LYST: variants seen among roughly 807,000 people sequenced by gnomAD.
LYST encodes lysosomal-trafficking regulator.
A neutral mutation model predicts 413.6 loss-of-function variants in LYST; 192 were observed. That is an observed-to-expected ratio of 0.46 (90% CI 0.41 to 0.52). LYST has a LOEUF of 0.52. LYST is among the 20% of genes least tolerant of loss of function. The probability of loss-of-function intolerance (pLI) is 0.00; values close to 1 mark genes in which losing one functional copy is unlikely to be tolerated. For synonymous variants in LYST, 1,525 were observed against 1,567.3 expected (o/e 0.97, Z 0.64); for missense variants, 3,815 against 4,499.9 (o/e 0.85, Z 4.35).
intron 48 of LYST, among the ~76,000 whole-genome samples, chr1:235,678,391 C>G (rs1474099372): frequency 6.6e-6 from 1 of 151,914 alleles, no homozygotes. Context: ...GTGATGTTAC[C>G]AACGGTAATG....
intron 5 of LYST, among the ~76,000 whole-genome samples, chr1:235,807,842 T>C (rs1414763029): frequency 6.6e-6 from 1 of 152,144 alleles, no homozygotes; most frequent in Non-Finnish European, 1.5e-5. Flanking sequence ...TAAATGTAAA[T>C]ATAATATTTT....
chr1:235,699,235 T>C (rs1661352903), intron 45 of LYST, among the ~76,000 whole-genome samples: 2 of 152,040 alleles, frequency 1.3e-5, no homozygotes, highest in South Asian at 4.1e-4. Context: ...CTCTCTCCCA[T>C]CCCCACCAAC....
intron 38 of LYST, among the ~76,000 whole-genome samples, chr1:235,726,291 T>C (rs1412793826): frequency 6.6e-6 from 1 of 152,146 alleles, no homozygotes; most frequent in Non-Finnish European, 1.5e-5. Context: ...ACTCTATGTG[T>C]GTTTTACTAT....
At chr1:235,872,927 A>G (rs1214566732) in intron 1 of LYST, among the ~76,000 whole-genome samples, 3 of 152,182 alleles carry the variant, frequency 2.0e-5, no homozygotes, top group Admixed American at 6.5e-5. Context: ...AAAAGCAAAA[A>G]GAAAGTTGGG....
chr1:235,757,324 A>C lies in LYST; in HGVS notation c.7016T>G (p.Leu2339Arg). The change falls in exon 24 of 53, where the codon CTC (leucine) becomes CGC (arginine). Residue 2339 changes from leucine (L) to arginine (R), a missense_variant. Coordinates refer to ENST00000389793, the MANE Select transcript of LYST (RefSeq NM_000081.4). ...KLIQADTLLV[L>R]VNHPSPAIQQ... ...TATAGCTGGTGATGGGTGGTTAACGAGGACCAAAAGTGTATCTGCTTGAAT... is the reference window on the plus strand; with the variant it reads ...TATAGCTGGTGATGGGTGGTTAACGCGGACCAAAAGTGTATCTGCTTGAAT... 1 of 1,613,708 alleles carries C rather than the reference A, an allele frequency of 6.2e-7. No homozygotes were observed. The highest frequency in any genetic ancestry group is 8.5e-7 in the Non-Finnish European group (1 of 1,179,806).
At chr1:235,813,948 A>G (rs1251881385) in intron 3 of LYST, among the ~76,000 whole-genome samples, 5 of 152,224 alleles carry the variant, frequency 3.3e-5, no homozygotes, top group Non-Finnish European at 7.3e-5. Flanking sequence ...AAGGGGAAGC[A>G]GTGTTAGAGG....
chr1:235,713,011 A>G, intron 42 of LYST: 1 of 985,370 alleles, frequency 1.0e-6, no homozygotes, highest in Non-Finnish European at 1.2e-6. Flanking sequence ...GAACTTGTTG[A>G]AATTTGAACA....
intron 52 of LYST, 64 bp downstream of exon 52, chr1:235,663,920 C>A (rs1456165522): frequency 3.0e-6 from 4 of 1,316,792 alleles, no homozygotes; most frequent in Admixed American, 1.7e-5. Context: ...TGCTTAAATA[C>A]CTCTCTACGA....
chr1:235,766,081 A>C lies in LYST; in HGVS notation c.6119T>G (p.Ile2040Arg). 1.2e-6 allele frequency: 2 copies of C among 1,607,870 alleles called. No individual in the cohort carries two copies. Among genetic ancestry groups the C allele is most frequent in the South Asian group, 1.1e-5 (1 of 90,940 alleles). ...NPTNFYFSLH[I>R]DGKIFQEKVR... Reference sequence around the variant, plus strand: ...CTAACAAAAATGATTATACCTACCTATGTGCAAAGAAAAGTAGAAGTTCGT... The same window carrying C: ...CTAACAAAAATGATTATACCTACCTCTGTGCAAAGAAAAGTAGAAGTTCGT... The change falls in exon 21 of 53, where the codon ATA (isoleucine) becomes AGA (arginine). Residue 2040 changes from isoleucine to arginine, a missense_variant and splice_region_variant. By Grantham distance (97) the Ile-to-Arg change is moderately conservative. This residue lies in a region of LYST where 530 missense variants were observed against 696.5 expected (regional missense o/e 0.76). Coordinates refer to ENST00000389793, the MANE Select transcript of LYST (RefSeq NM_000081.4).
rs748655415 is a variant in LYST at position 235,809,690 on chromosome 1, T to C, written c.1128A>G (p.Pro376=). ...CLEKQPDPFA[P]RQKKTLQEVQ... The stretch of plus-strand genomic sequence containing the variant: ...CCTCCTGCAGTGTTTTCTTTTGTCT[T>C]GGTGCAAAAGGGTCAGGCTGCTTTT... Residue 376 remains proline (P), a synonymous_variant, in exon 5 of 53, where the codon CCA becomes CCG. Transcript: ENST00000389793. The surrounding 1 kb of genome is among the most constrained non-coding windows in gnomAD (Gnocchi z 4.0). The C allele has an allele frequency of 4.3e-6, 7 of 1,613,630 alleles. No individual in the cohort carries two copies. In the South Asian group the frequency reaches 4.4e-5, roughly 10 times the overall value.
chr1:235,772,450 C>G (rs1286285630), intron 19 of LYST, among the ~76,000 whole-genome samples: 1 of 151,818 alleles, frequency 6.6e-6, no homozygotes, highest in South Asian at 2.1e-4. Context: ...CTACTAGAAC[C>G]CTGCCACACT....
intron 1 of LYST, chr1:235,852,891 T>C (rs747745727): frequency 4.7e-5 from 8 of 169,010 alleles, no homozygotes; most frequent in Non-Finnish European, 8.8e-5. Flanking sequence ...TCCTATCCAA[T>C]GTTTTTCCTA....
At chr1:235,782,125 T>C (rs1460736016) in intron 14 of LYST, 38 bp from the exon 15 acceptor site, 2 of 1,551,732 alleles carry the variant, frequency 1.3e-6, no homozygotes, top group East Asian at 4.6e-5. Context: ...GCAATGACTT[T>C]AGGAAGTCTA....
At chr1:235,829,228 T>A (rs976654998) in intron 3 of LYST, among the ~76,000 whole-genome samples, 1 of 152,164 alleles carries the variant, frequency 6.6e-6, no homozygotes, top group African/African-American at 2.4e-5. Flanking sequence ...AACCTACAAA[T>A]GTCCTGAAAA....
At chr1:235,841,107 C>T (rs1677153786) in intron 1 of LYST, among the ~76,000 whole-genome samples, 1 of 152,186 alleles carries the variant, frequency 6.6e-6, no homozygotes. Flanking sequence ...ACAGTGACTA[C>T]TGAGACTAAA....
In LYST at chr1:235,805,893, A is replaced by G; in HGVS notation, c.3243T>C (p.Thr1081=). 2 of 1,613,924 alleles carry G rather than the reference A, an allele frequency of 1.2e-6. No individual in the cohort carries two copies. Among genetic ancestry groups the G allele is most frequent in the Non-Finnish European group, 1.7e-6 (2 of 1,179,946 alleles). The change falls in exon 6 of 53, where the codon ACT becomes ACC. Residue 1081 remains threonine (T), a synonymous_variant. Transcript: ENST00000389793. ...SSINVEEVSA[T]EAAPEEAKLF... is the part of the protein sequence containing the mutation. ...GCTTTGCTTCCTCGGGAGCGGCTTC[A>G]GTAGCTGAAACTTCTTCCACATTTA...
At chr1:235,668,203 C>CATAT (rs58347376) in intron 50 of LYST, among the ~76,000 whole-genome samples, 1,885 of 151,066 alleles carry the variant, frequency 0.012, 50 homozygotes, top group African/African-American at 0.043. Context: ...CATACATAGA[C>CATAT]ATATATATAT....
At chr1:235,731,901 T>C (rs1376969332) in intron 34 of LYST, among the ~76,000 whole-genome samples, 1 of 152,190 alleles carries the variant, frequency 6.6e-6, no homozygotes, top group Non-Finnish European at 1.5e-5. Context: ...ATCAATTTCT[T>C]TCTGTGGTAT....
At chr1:235,860,352 T>C (rs1481673632) in intron 1 of LYST, among the ~76,000 whole-genome samples, 2 of 152,156 alleles carry the variant, frequency 1.3e-5, no homozygotes, top group Non-Finnish European at 2.9e-5. Context: ...GACAGGTCAT[T>C]ATCACCCAAA....
Sources: gnomAD v4.1 joint callset for allele counts (sites outside exome capture counted in the v4.1 genomes callset) on GRCh38, gnomAD v4.1.1 for gene constraint, gnomAD v4.1.1 regional missense constraint, Gnocchi (gnomAD v3.1) non-coding constraint, MANE v1.5 for transcripts, NCBI Gene and HGNC (gene_info 2026-07-23, HGNC 2026-07-21) for gene names.